NPAS3: variants seen among roughly 807,000 people sequenced by gnomAD.
NPAS3 encodes neuronal PAS domain-containing protein 3.
A neutral mutation model predicts 73.1 loss-of-function variants in NPAS3; 14 were observed. The ratio of observed to expected loss-of-function variants is 0.19; its 90% CI spans 0.13 to 0.30. The LOEUF (loss-of-function observed/expected upper bound fraction) is 0.30. Among genes scored for constraint, NPAS3 ranks in the 10% least tolerant of loss-of-function variants. The probability of loss-of-function intolerance (pLI) is 1.00; values close to 1 mark genes in which losing one functional copy is unlikely to be tolerated. For synonymous variants in NPAS3, 620 were observed against 541.5 expected (o/e 1.14, Z -2.01); for missense variants, 1,096 against 1,250.0 (o/e 0.88, Z 1.86).
At chr14:33,112,625 A>G (rs2138975510) in intron 2 of NPAS3, among the ~76,000 whole-genome samples, 1 of 151,928 alleles carries the variant, frequency 6.6e-6, no homozygotes, top group South Asian at 2.1e-4. Flanking sequence ...TTTCCTGTTC[A>G]CTCTGATGGT....
chr14:33,383,659 T>G (rs964259461), intron 4 of NPAS3, among the ~76,000 whole-genome samples: 1 of 152,212 alleles, frequency 6.6e-6, no homozygotes, highest in Admixed American at 6.5e-5. Context: ...TGTGCCCAAG[T>G]CAAACCCCTT....
intron 2 of NPAS3, among the ~76,000 whole-genome samples, chr14:33,145,364 C>G (rs1185842244): frequency 6.6e-6 from 1 of 152,170 alleles, no homozygotes. Context: ...TAGAAAGTTA[C>G]AAAATCTGTC....
intron 6 of NPAS3, among the ~76,000 whole-genome samples, chr14:33,677,910 A>T (rs2059814966): frequency 6.6e-6 from 1 of 152,234 alleles, no homozygotes; most frequent in South Asian, 2.1e-4. Context: ...TTTTTAGTCA[A>T]TAGAATGTTC....
intron 1 of NPAS3, among the ~76,000 whole-genome samples, chr14:33,022,198 A>G (rs540868585): frequency 6.6e-6 from 1 of 152,364 alleles, no homozygotes; most frequent in Non-Finnish European, 1.5e-5. Context: ...ACTTTCTGTC[A>G]ATGGGAAAAT....
chr14:33,412,031 A>G (rs17101041), intron 4 of NPAS3, among the ~76,000 whole-genome samples: 32,296 of 152,038 alleles, frequency 0.21, 3,617 homozygotes, highest in Admixed American at 0.29. Flanking sequence ...CACTTTGACT[A>G]TGTGTCTGCA....
At chr14:33,397,181 T>C (rs61972756) in intron 4 of NPAS3, among the ~76,000 whole-genome samples, 4,390 of 152,098 alleles carry the variant, frequency 0.029, 122 homozygotes, top group East Asian at 0.11. Flanking sequence ...AGATCCAAAA[T>C]CTCCCCTTGA....
At chr14:33,615,160 G>C (rs1483559975) in intron 5 of NPAS3, among the ~76,000 whole-genome samples, 1 of 152,134 alleles carries the variant, frequency 6.6e-6, no homozygotes, top group African/African-American at 2.4e-5. Context: ...GATTAGGTTT[G>C]AGTGGGGCAG....
chr14:33,738,973 G>A (rs2061591905), intron 7 of NPAS3, among the ~76,000 whole-genome samples: 1 of 152,200 alleles, frequency 6.6e-6, no homozygotes, highest in African/African-American at 2.4e-5. Context: ...TTGGAGGATA[G>A]TTTCCTTTGG....
chr14:33,464,151 G>T (rs2050400993), intron 4 of NPAS3, among the ~76,000 whole-genome samples: 1 of 152,098 alleles, frequency 6.6e-6, no homozygotes, highest in South Asian at 2.1e-4. Context: ...TGAGAAAACT[G>T]CAGTTATGGA....
chr14:33,360,651 T>G (rs1394652275), intron 3 of NPAS3, among the ~76,000 whole-genome samples: 1 of 152,228 alleles, frequency 6.6e-6, no homozygotes, highest in African/African-American at 2.4e-5. Context: ...AAGTACTCTC[T>G]TACAATCATT....
chr14:33,682,158 T>G (rs1350896583), intron 6 of NPAS3, among the ~76,000 whole-genome samples: 1 of 152,198 alleles, frequency 6.6e-6, no homozygotes. Context: ...GCTTTCCATA[T>G]TCATATACTA....
intron 4 of NPAS3, among the ~76,000 whole-genome samples, chr14:33,462,744 C>T (rs2139517275): frequency 6.6e-6 from 1 of 152,266 alleles, no homozygotes; most frequent in Middle Eastern, 3.4e-3. Flanking sequence ...TCCTAATGGC[C>T]ATGAGTATAT....
intron 2 of NPAS3, among the ~76,000 whole-genome samples, chr14:33,199,740 C>T (rs1157250669): frequency 6.8e-6 from 1 of 147,434 alleles, no homozygotes; most frequent in African/African-American, 2.5e-5. Flanking sequence ...CTCTTTCCCT[C>T]CCTTCCTCCC....
chr14:33,179,341 T>G (rs917148944), intron 2 of NPAS3, among the ~76,000 whole-genome samples: 3 of 152,228 alleles, frequency 2.0e-5, no homozygotes, highest in African/African-American at 7.2e-5. Flanking sequence ...ATTTGTGTAC[T>G]TAAATTTTTA....
intron 4 of NPAS3, among the ~76,000 whole-genome samples, chr14:33,391,953 T>C (rs1044807104): frequency 6.6e-6 from 1 of 152,208 alleles, no homozygotes; most frequent in Non-Finnish European, 1.5e-5. Flanking sequence ...ATAATCCCCT[T>C]ACTGAATAAA....
intron 4 of NPAS3, among the ~76,000 whole-genome samples, chr14:33,406,450 C>T (rs2047670959): frequency 6.6e-6 from 1 of 152,012 alleles, no homozygotes; most frequent in Non-Finnish European, 1.5e-5. Context: ...CATGGAGGGT[C>T]CTGACTTAAG....
At chr14:33,530,331 G>C (rs906356501) in intron 4 of NPAS3, among the ~76,000 whole-genome samples, 1 of 152,100 alleles carries the variant, frequency 6.6e-6, no homozygotes, top group Admixed American at 6.6e-5. Context: ...TATGAATACA[G>C]TTAGATCCAA....
chr14:33,105,687 G>A (rs545013462), intron 2 of NPAS3, among the ~76,000 whole-genome samples: 6,320 of 152,048 alleles, frequency 0.042, 131 homozygotes, highest in African/African-American at 0.06. Context: ...CCAAATTAGT[G>A]CTAGTTGCAA....
chr14:33,780,747 A>T, intron 9 of NPAS3: 1 of 414,216 alleles, frequency 2.4e-6, no homozygotes, highest in Non-Finnish European at 4.8e-6. Flanking sequence ...CTTTTATCTC[A>T]TTTTCCGTAC....
Sources: allele counts gnomAD v4.1 joint callset (sites outside exome capture counted in the v4.1 genomes callset), GRCh38; gene constraint gnomAD v4.1.1; transcripts MANE v1.5; gene names NCBI Gene and HGNC (gene_info 2026-07-23, HGNC 2026-07-21).